Variants in EPHA8 observed in about 807,000 individuals in gnomAD.
EPHA8 encodes the protein EPH receptor A8.
A neutral mutation model predicts 103.6 loss-of-function variants in EPHA8; 58 were observed. That is an observed-to-expected ratio of 0.56 (90% CI 0.45 to 0.70). The LOEUF is 0.70. Ranked by LOEUF, EPHA8 falls within the 30% of genes least tolerant of loss-of-function variation. EPHA8 has a pLI of 0.00. For synonymous variants in EPHA8, 559 were observed against 572.5 expected (o/e 0.98, Z 0.34); for missense variants, 1,304 against 1,395.2 (o/e 0.93, Z 1.04).
At chr1:22,570,769 T>C (rs3754007) in intron 2 of EPHA8, among the ~76,000 whole-genome samples, 11,989 of 152,302 alleles carry the variant, frequency 0.079, 494 homozygotes, top group South Asian at 0.18. Context: ...GAGGAAGCCC[T>C]CGTCACCTGA....
Position 22,567,900 on chromosome 1 carries a change from T to G in EPHA8, c.95-1389T>G, listed in dbSNP as rs1291028501. 2.0e-5 allele frequency among the ~76,000 whole-genome samples: 3 copies of G among 152,134 alleles called. No homozygotes were observed. Among genetic ancestry groups the G allele is most frequent in the African/African-American group, 7.2e-5 (3 of 41,418 alleles). ...AGAGTGAAAGGGAAAGCTGTGGGAC[T>G]CTGGAGCCAAAAGCCCTCTCATACA... On this transcript the variant is annotated intron_variant, in intron 1 of 16. Transcript: ENST00000166244. The surrounding 1 kb of genome is among the most constrained non-coding windows in gnomAD (Gnocchi z 4.2).
intron 13 of EPHA8, among the ~76,000 whole-genome samples, chr1:22,599,533 G>A (rs1557582814): frequency 6.6e-6 from 1 of 151,326 alleles, no homozygotes; most frequent in Non-Finnish European, 1.5e-5. Context: ...CTCTGGGTAA[G>A]GTTTCGCATG....
intron 3 of EPHA8, among the ~76,000 whole-genome samples, chr1:22,578,677 G>C (rs1383238366): frequency 6.7e-6 from 1 of 148,846 alleles, no homozygotes; most frequent in Non-Finnish European, 1.5e-5. Context: ...GTATGCATTT[G>C]TGCATGAGTG....
intron 13 of EPHA8, among the ~76,000 whole-genome samples, chr1:22,599,722 G>A (rs1406895409): frequency 2.6e-4 from 1 of 3,920 alleles, no homozygotes; most frequent in Non-Finnish European, 6.8e-4. Flanking sequence ...AAGGAAGGGA[G>A]GGAGGGAAGG....
Position 22,602,701 on chromosome 1 carries a change from T to TC in EPHA8, c.*965dup, listed in dbSNP as rs1641774008. On this transcript the variant is annotated 3_prime_UTR_variant, in exon 17 of 17. Transcript: ENST00000166244. ...GCCCAGCCCTGACACCTGCCCTTTGTCCCCCAGGCCTAGGATCAGGGACCA... is the reference window on the plus strand; with the variant it reads ...GCCCAGCCCTGACACCTGCCCTTTGTCCCCCCAGGCCTAGGATCAGGGACCA... The TC allele has an allele frequency of 6.6e-6, 1 of 152,470 alleles. No homozygotes were observed. The highest frequency in any genetic ancestry group is 1.5e-5 in the Non-Finnish European group (1 of 68,200). The allele number at this position is 152,470 out of a possible 1,614,324, so 9.4% of individuals were successfully genotyped here.
intron 3 of EPHA8, among the ~76,000 whole-genome samples, chr1:22,579,331 ATG>A (rs1471791310): frequency 6.8e-6 from 1 of 147,212 alleles, no homozygotes; most frequent in Non-Finnish European, 1.5e-5. Context: ...GCATGTGTCC[ATG>A]TGTGCATGAG....
At chr1:22,588,689 G>A (rs473217) in intron 4 of EPHA8, among the ~76,000 whole-genome samples, 182 bp from the exon 5 acceptor site, 7,194 of 152,000 alleles carry the variant, frequency 0.047, 575 homozygotes, top group African/African-American at 0.16. Context: ...CGGTCTGATG[G>A]CAGAGACACA....
At chr1:22,572,766 G>A (rs1282112562) in intron 2 of EPHA8, among the ~76,000 whole-genome samples, 1 of 152,216 alleles carries the variant, frequency 6.6e-6, no homozygotes, top group East Asian at 1.9e-4. Context: ...CAGAGTTGGG[G>A]GAGCAGCGTG....
intron 9 of EPHA8, among the ~76,000 whole-genome samples, chr1:22,596,889 C>T (rs888510877): frequency 6.6e-6 from 1 of 152,122 alleles, no homozygotes; most frequent in Non-Finnish European, 1.5e-5. Context: ...AACTCTTGAC[C>T]TCAAGTGATC....
chr1:22,593,080 T>C (rs1214798035), intron 5 of EPHA8, among the ~76,000 whole-genome samples: 6 of 152,172 alleles, frequency 3.9e-5, no homozygotes, highest in Non-Finnish European at 5.9e-5. Flanking sequence ...AGCGTCTTCT[T>C]GTCCAAGCCA....
At chr1:22,601,198 C>G (rs1027988719) in intron 15 of EPHA8, 102 bp from the exon 16 acceptor site, 125 of 1,523,076 alleles carry the variant, frequency 8.2e-5, no homozygotes, top group Middle Eastern at 7.0e-4. Flanking sequence ...CCAGCCTGGG[C>G]CCCCGGCCCC....
At chr1:22,564,289 G>A (rs1640288430) in intron 1 of EPHA8, among the ~76,000 whole-genome samples, 1 of 151,822 alleles carries the variant, frequency 6.6e-6, no homozygotes, top group Admixed American at 6.6e-5. Context: ...CAGGAAGGAG[G>A]GGTGCGGAAT....
rs749447607 is a variant in EPHA8, at chr1:22,600,931, C to T, written c.2572C>T (p.Pro858Ser). ...ISSVEEGYRL[P>S]APMGCPHALH... ...CTCTGTGGAGGAGGGGTACCGCCTG[C>T]CCGCACCCATGGGCTGCCCCCACGC... is the stretch of plus-strand genomic sequence containing the variant. The change falls in exon 15 of 17, where the codon CCC becomes TCC. Residue 858 changes from proline (P) to serine (S), a missense_variant. Physicochemically the swap from Pro to Ser is moderately conservative, Grantham distance 74. Transcript: ENST00000166244. 1.4e-5 allele frequency: 23 copies of T among 1,611,456 alleles called. No individual in the cohort carries two copies. The highest frequency in any genetic ancestry group is 5.5e-5 in the South Asian group (5 of 90,818).
chr1:22,579,159 ATG>A (rs1194491681), intron 3 of EPHA8, among the ~76,000 whole-genome samples: 3 of 143,230 alleles, frequency 2.1e-5, no homozygotes, highest in Non-Finnish European at 4.6e-5. Flanking sequence ...GCAAGAGTGT[ATG>A]TATGCATGTG....
Position 22,576,899 on chromosome 1 carries a change from G to A in EPHA8, c.823+19G>A, listed in dbSNP as rs754069842. ...TGTGTGGGTGAGCGCGCCATGGCCT[G>A]GGCATGGGTCAGCCGGCAGCGGTGC... On this transcript the variant is annotated intron_variant, in intron 3 of 16. Coordinates refer to ENST00000166244, the MANE Select transcript of EPHA8 (RefSeq NM_020526.5). The surrounding 1 kb of genome is among the most constrained non-coding windows in gnomAD (Gnocchi z 4.8). 4 of 1,562,998 alleles carry A rather than the reference G, an allele frequency of 2.6e-6. No homozygotes were observed. The South Asian group carries it at 4.8e-5, about 19-fold the overall frequency.
intron 4 of EPHA8, 62 bp from the exon 5 acceptor site, chr1:22,588,809 A>G (rs1262313665): frequency 3.3e-6 from 5 of 1,514,720 alleles, no homozygotes; most frequent in East Asian, 2.3e-5. Context: ...AGGTCTGATG[A>G]TAGGAAGACA....
chr1:22,563,789 C>G lies in EPHA8; in HGVS notation c.94+60C>G, dbSNP rs981255813. On this transcript the variant is annotated intron_variant, in intron 1 of 16. Transcript: ENST00000166244. The surrounding 1 kb of genome is among the most constrained non-coding windows in gnomAD (Gnocchi z 4.4). ...CGAGGGGCGCGGGGCGCGGCGCGCG[C>G]TGCCTGCGGCTCAACTTCCTTTGCA... 6.6e-5 allele frequency: 10 copies of G among 151,128 alleles called. No individual in the cohort carries two copies. The highest frequency in any genetic ancestry group is 5.3e-4 in the Admixed American group (8 of 15,132). 9.4% of individuals were successfully genotyped at this position (151,128 alleles called of 1,614,324 possible).
At position 22,576,517 on chromosome 1, in the gene EPHA8, T is replaced by G. The variant is rs199987810; in HGVS notation, c.460T>G (p.Phe154Val). 3.1e-6 allele frequency: 5 copies of G among 1,614,010 alleles called. No homozygotes were observed. The Admixed American group carries it at 5.0e-5, about 16-fold the overall frequency. Residue 154 changes from phenylalanine (F) to valine (V), a missense_variant, in exon 3 of 17, where the codon TTC becomes GTC. Coordinates refer to ENST00000166244, the MANE Select transcript of EPHA8 (RefSeq NM_020526.5). This position sits in a 1 kb window ranked among gnomAD's most constrained non-coding sequence, Gnocchi z 4.8. ...CGACACCATTGCGGCCGACGAGAGC[T>G]TCACAGGTGCCGACCTTGGTGTGCG... ...KIDTIAADES[F>V]TGADLGVRRL...
At chr1:22,579,109 G>T (rs985991596) in intron 3 of EPHA8, among the ~76,000 whole-genome samples, 1 of 144,536 alleles carries the variant, frequency 6.9e-6, no homozygotes, top group East Asian at 2.1e-4. Flanking sequence ...GTGTATGTGT[G>T]CATGTGTACG....
Sources: allele counts gnomAD v4.1 joint callset (sites outside exome capture counted in the v4.1 genomes callset), GRCh38; gene constraint gnomAD v4.1.1; non-coding constraint Gnocchi (gnomAD v3.1); transcripts MANE v1.5; gene names NCBI Gene and HGNC (gene_info 2026-07-23, HGNC 2026-07-21).